The following SCAPER variants were observed in gnomAD, a reference collection of about 807,000 sequenced individuals.
SCAPER encodes S phase cyclin A-associated protein in the endoplasmic reticulum.
A neutral mutation model predicts 182.2 loss-of-function variants in SCAPER; 98 were observed. The ratio of observed to expected loss-of-function variants is 0.54; its 90% confidence interval spans 0.46 to 0.64. The LOEUF (loss-of-function observed/expected upper bound fraction) is 0.64. Among genes scored for constraint, SCAPER ranks in the 30% least tolerant of loss-of-function variants. The pLI is 0.00. For missense variants in SCAPER, 1,432 were observed against 1,690.0 expected (o/e 0.85, Z 2.68); for synonymous variants, 605 against 564.6 (o/e 1.07, Z -1.01).
At chr15:76,823,746 G>T (rs1041721593) in intron 5 of SCAPER, among the ~76,000 whole-genome samples, 5 of 151,902 alleles carry the variant, frequency 3.3e-5, no homozygotes, top group African/African-American at 1.2e-4. Flanking sequence ...ATCAAGAAAA[G>T]GACAAATGTA....
intron 15 of SCAPER, among the ~76,000 whole-genome samples, chr15:76,746,235 A>AC (rs2061787411): frequency 1.3e-5 from 2 of 152,228 alleles, no homozygotes; most frequent in East Asian, 3.9e-4. Context: ...CTCAGTATCC[A>AC]TGGGGGATTG....
chr15:76,522,674 A>G (rs896929284), intron 23 of SCAPER, among the ~76,000 whole-genome samples: 2 of 152,084 alleles, frequency 1.3e-5, no homozygotes, highest in African/African-American at 4.8e-5. Context: ...GGGACATTAG[A>G]GGAGTGACGA....
chr15:76,365,555 A>T (rs2041750036), intron 29 of SCAPER, among the ~76,000 whole-genome samples: 1 of 152,234 alleles, frequency 6.6e-6, no homozygotes. Context: ...TGCTGCTTCC[A>T]TTTTAATTTA....
At chr15:76,688,997 C>T (rs1354037273) in intron 20 of SCAPER, among the ~76,000 whole-genome samples, 2 of 151,720 alleles carry the variant, frequency 1.3e-5, no homozygotes, top group African/African-American at 2.4e-5. Context: ...TACAGGTGCT[C>T]GTCACCACGG....
At chr15:76,432,484 A>G (rs145999919) in intron 26 of SCAPER, among the ~76,000 whole-genome samples, 108 of 152,362 alleles carry the variant, frequency 7.1e-4, no homozygotes, top group African/African-American at 2.4e-3. Flanking sequence ...AAGCAAATAC[A>G]GAGGAGTGCA....
intron 4 of SCAPER, among the ~76,000 whole-genome samples, chr15:76,844,223 GTAA>G (rs2069788629): frequency 6.9e-6 from 1 of 145,804 alleles, no homozygotes; most frequent in Non-Finnish European, 1.5e-5. Flanking sequence ...ATTCCATGAG[GTAA>G]TAGTGTTTTA....
chr15:76,699,246 G>A (rs1033944815), intron 20 of SCAPER, among the ~76,000 whole-genome samples: 3 of 152,094 alleles, frequency 2.0e-5, no homozygotes, highest in African/African-American at 7.2e-5. Flanking sequence ...CTATTTGGAT[G>A]CCTCTGATTC....
intron 20 of SCAPER, among the ~76,000 whole-genome samples, chr15:76,668,879 C>A (rs2056812750): frequency 6.6e-6 from 1 of 152,178 alleles, no homozygotes; most frequent in South Asian, 2.1e-4. Context: ...CCTTATTACA[C>A]AAGATACATT....
At chr15:76,668,092 A>C (rs1292866117) in intron 20 of SCAPER, among the ~76,000 whole-genome samples, 4 of 152,236 alleles carry the variant, frequency 2.6e-5, no homozygotes, top group African/African-American at 4.8e-5. Flanking sequence ...TGTTCTTCTG[A>C]AAGTGTTCTC....
intron 21 of SCAPER, among the ~76,000 whole-genome samples, chr15:76,628,738 T>C (rs955928729): frequency 1.3e-5 from 2 of 152,236 alleles, no homozygotes; most frequent in African/African-American, 4.8e-5. Flanking sequence ...TAGCTTATGA[T>C]TGTCTTGGCT....
intron 20 of SCAPER, among the ~76,000 whole-genome samples, chr15:76,691,655 A>G (rs555308418): frequency 3.9e-5 from 6 of 152,268 alleles, no homozygotes; most frequent in Admixed American, 3.3e-4. Context: ...CCCCATTTAC[A>G]AACAAAAGCA....
intron 17 of SCAPER, among the ~76,000 whole-genome samples, chr15:76,722,259 G>T (rs1277157829): frequency 6.6e-6 from 1 of 152,160 alleles, no homozygotes; most frequent in Non-Finnish European, 1.5e-5. Context: ...AACCAGCCTT[G>T]CATCCCAGGG....
At chr15:76,424,006 C>A (rs767748280) in intron 26 of SCAPER, among the ~76,000 whole-genome samples, 8 of 152,172 alleles carry the variant, frequency 5.3e-5, no homozygotes, top group East Asian at 3.8e-4. Flanking sequence ...AATTTCTGTT[C>A]TTCTACATTT....
In SCAPER at chr15:76,392,563, T is replaced by G. The variant is rs572530170; in HGVS notation, c.3468-10948A>C. 2.7e-4 allele frequency among the ~76,000 whole-genome samples: 17 copies of G among 64,136 alleles called. No individual in the cohort carries two copies. The South Asian group carries it at 2.8e-3, about 11-fold the overall frequency. 42.1% of individuals were successfully genotyped at this position (64,136 alleles called of 152,430 possible). ...CCAGCCTGGGCAACATAGGGAGAGC[T>G]CGTCTACACACACACACACACAAAG... On this transcript the variant is annotated intron_variant, in intron 27 of 31. Coordinates refer to ENST00000563290, the MANE Select transcript of SCAPER (RefSeq NM_020843.4).
At chr15:76,523,716 G>A (rs984661517) in intron 23 of SCAPER, among the ~76,000 whole-genome samples, 1 of 151,876 alleles carries the variant, frequency 6.6e-6, no homozygotes, top group Non-Finnish European at 1.5e-5. Flanking sequence ...GAGTAATAAC[G>A]GTTTACTTTT....
Position 76,771,942 on chromosome 15 carries a change from T to C in SCAPER, c.1048A>G (p.Thr350Ala). 2 of 1,609,440 alleles carry C rather than the reference T, an allele frequency of 1.2e-6. No homozygotes were observed. Among genetic ancestry groups the C allele is most frequent in the African/African-American group, 1.3e-5 (1 of 74,994 alleles). The part of the protein sequence containing the change: ...LAEKTQFTVS[T>A]LDDVKNSGSI... ...CCAGAATTCTTCACATCATCCAATG[T>C]ACTCACTGTGAACTAACAAAACGTA... The change falls in exon 10 of 32, where the codon ACA (threonine) becomes GCA (alanine). Residue 350 changes from threonine to alanine, a missense_variant. Thr to Ala is a moderately conservative substitution (Grantham distance 58). Coordinates refer to ENST00000563290, the MANE Select transcript of SCAPER (RefSeq NM_020843.4).
At chr15:76,627,597 T>C (rs1214317692) in intron 21 of SCAPER, among the ~76,000 whole-genome samples, 2 of 152,202 alleles carry the variant, frequency 1.3e-5, no homozygotes, top group East Asian at 3.8e-4. Context: ...TCCAGGTCCA[T>C]TCATGTCCCT....
intron 14 of SCAPER, among the ~76,000 whole-genome samples, chr15:76,764,591 C>T (rs2063000994): frequency 6.6e-6 from 1 of 152,166 alleles, no homozygotes; most frequent in Admixed American, 6.5e-5. Flanking sequence ...AAAACCAGAG[C>T]CAAGAGCAAG....
intron 1 of SCAPER, among the ~76,000 whole-genome samples, chr15:76,893,559 T>C (rs1274044195): frequency 2.6e-5 from 4 of 152,044 alleles, no homozygotes; most frequent in Admixed American, 2.0e-4. Context: ...AACAGTTCTA[T>C]AGGCCAAATG....
Sources: allele counts gnomAD v4.1 joint callset (sites outside exome capture counted in the v4.1 genomes callset), GRCh38; gene constraint gnomAD v4.1.1; transcripts MANE v1.5; gene names NCBI Gene and HGNC (gene_info 2026-07-23, HGNC 2026-07-21).